TENM4: variants seen among roughly 807,000 people sequenced by gnomAD.
The protein encoded by TENM4 is teneurin-4.
In TENM4, 82 loss-of-function variants were observed where a neutral mutation model predicts 243.3. That is an observed-to-expected ratio of 0.34 (90% CI 0.28 to 0.40). TENM4 has a LOEUF of 0.40. Among genes scored for constraint, TENM4 ranks in the 10% least tolerant of loss-of-function variants. The pLI is 1.00. For synonymous variants in TENM4, 1,412 were observed against 1,456.3 expected, an observed-to-expected ratio of 0.97 and a Z score of 0.69; for missense variants, 3,138 against 3,673.3, an observed-to-expected ratio of 0.85 and a Z score of 3.77.
intron 2 of TENM4, among the ~76,000 whole-genome samples, chr11:79,252,104 G>A (rs1197718321): frequency 2.6e-5 from 4 of 152,226 alleles, no homozygotes; most frequent in Non-Finnish European, 5.9e-5. Context: ...CGGAGTGTTG[G>A]TTTTCTTTTG....
At chr11:79,119,011 C>G (rs923789810) in intron 4 of TENM4, among the ~76,000 whole-genome samples, 3 of 152,092 alleles carry the variant, frequency 2.0e-5, no homozygotes, top group African/African-American at 7.2e-5. Flanking sequence ...CAACATTTTA[C>G]CTAATCCATT....
intron 6 of TENM4, 76 bp from the exon 7 acceptor site, chr11:78,903,599 T>C (rs1360431525): frequency 9.2e-6 from 14 of 1,530,002 alleles, no homozygotes; most frequent in Non-Finnish European, 1.1e-5. Context: ...CACGGAGGTC[T>C]GAGCAAGACC....
At chr11:78,702,504 T>C (rs1196577056) in intron 27 of TENM4, 101 bp from the exon 28 acceptor site, 1 of 1,389,744 alleles carries the variant, frequency 7.2e-7, no homozygotes, top group Non-Finnish European at 9.8e-7. Flanking sequence ...AGTGGCTTCA[T>C]ATACAGTCTT....
intron 4 of TENM4, among the ~76,000 whole-genome samples, chr11:79,121,091 CAG>C (rs1396568024): frequency 6.6e-6 from 1 of 152,152 alleles, no homozygotes; most frequent in Non-Finnish European, 1.5e-5. Context: ...GATGGGGAGA[CAG>C]AGACTTAGAG....
At chr11:79,163,774 C>G (rs1361931285) in intron 3 of TENM4, among the ~76,000 whole-genome samples, 1 of 115,640 alleles carries the variant, frequency 8.6e-6, no homozygotes, top group Non-Finnish European at 1.7e-5. Context: ...TATATACACA[C>G]ACATACATAT....
chr11:78,753,421 G>A lies in TENM4; in HGVS notation c.2756+3384C>T, dbSNP rs1014295164. 2.0e-5 allele frequency among the ~76,000 whole-genome samples: 3 copies of A among 152,216 alleles called. No homozygotes were observed. The South Asian group carries it at 6.2e-4, about 32-fold the overall frequency. ...TATTATACCAAACTCCCTCATATGAGAGGACAGAAAGCAACTACTTAAACT... is the reference window on the plus strand; with the variant it reads ...TATTATACCAAACTCCCTCATATGAAAGGACAGAAAGCAACTACTTAAACT... On this transcript the variant is annotated intron_variant, in intron 19 of 33. Transcript: ENST00000278550.
chr11:79,183,486 C>T (rs1183185761), intron 3 of TENM4, among the ~76,000 whole-genome samples: 3 of 152,122 alleles, frequency 2.0e-5, no homozygotes, highest in African/African-American at 7.2e-5. Flanking sequence ...ACATTATATA[C>T]ATTTGTCAAA....
At chr11:79,037,582 A>G (rs534534616) in intron 6 of TENM4, among the ~76,000 whole-genome samples, 2 of 152,354 alleles carry the variant, frequency 1.3e-5, no homozygotes, top group Admixed American at 6.5e-5. Flanking sequence ...GTTGGTTACT[A>G]GAGCTTAAGT....
intron 28 of TENM4, among the ~76,000 whole-genome samples, chr11:78,698,015 T>C (rs1296470470): frequency 6.6e-6 from 1 of 152,196 alleles, no homozygotes; most frequent in Non-Finnish European, 1.5e-5. Flanking sequence ...TCTCCAAAAC[T>C]GTGAACTCTG....
chr11:78,886,009 A>G (rs752891398), intron 9 of TENM4, among the ~76,000 whole-genome samples: 15 of 152,224 alleles, frequency 9.9e-5, no homozygotes, highest in Non-Finnish European at 2.1e-4. Context: ...TAGGCAGATA[A>G]CAGCAAAAGA....
rs559130991 is a variant in TENM4, at chr11:79,083,757, G to A, written c.-65-13748C>T. On this transcript the variant is annotated intron_variant, in intron 4 of 33. Coordinates refer to ENST00000278550, the MANE Select transcript of TENM4 (RefSeq NM_001098816.3). Reference sequence around the variant, plus strand: ...AAGACCTCTCTTCTCCAGGCTCTGGGAAGCAGTGGAGCACCATGGTTAAAA... The same window carrying A: ...AAGACCTCTCTTCTCCAGGCTCTGGAAAGCAGTGGAGCACCATGGTTAAAA... 1.6e-4 allele frequency among the ~76,000 whole-genome samples: 25 copies of A among 152,276 alleles called. 1 individual carries two copies. The South Asian group carries it at 5.0e-3, about 30-fold the overall frequency.
At chr11:78,927,159 C>G (rs1367258559) in intron 6 of TENM4, among the ~76,000 whole-genome samples, 1 of 152,178 alleles carries the variant, frequency 6.6e-6, no homozygotes, top group East Asian at 1.9e-4. Flanking sequence ...GAATAATTTG[C>G]TTGCATGCAT....
At chr11:79,413,494 G>C (rs775298791) in intron 1 of TENM4, among the ~76,000 whole-genome samples, 5 of 152,192 alleles carry the variant, frequency 3.3e-5, no homozygotes, top group Non-Finnish European at 7.3e-5. Context: ...GCAGACATGA[G>C]AGAGAAGACA....
chr11:79,270,169 C>G (rs1345908941), intron 2 of TENM4, among the ~76,000 whole-genome samples: 1 of 152,126 alleles, frequency 6.6e-6, no homozygotes, highest in Non-Finnish European at 1.5e-5. Flanking sequence ...AGGCTTAGCT[C>G]CCTCTGTTGT....
At chr11:79,345,019 T>G (rs1857303774) in intron 1 of TENM4, among the ~76,000 whole-genome samples, 1 of 152,214 alleles carries the variant, frequency 6.6e-6, no homozygotes, top group Non-Finnish European at 1.5e-5. Context: ...CATATTTGCT[T>G]GAGAATTCCA....
At chr11:79,256,012 C>T (rs555015899) in intron 2 of TENM4, among the ~76,000 whole-genome samples, 9 of 152,144 alleles carry the variant, frequency 5.9e-5, no homozygotes, top group Admixed American at 5.9e-4. Context: ...GAATTCTTTT[C>T]CCTTTGACTT....
At chr11:78,983,807 C>T (rs1857858784) in intron 6 of TENM4, among the ~76,000 whole-genome samples, 1 of 152,122 alleles carries the variant, frequency 6.6e-6, no homozygotes, top group Non-Finnish European at 1.5e-5. Context: ...TGGGTGGGCT[C>T]AGTGGGGTGG....
At chr11:79,414,127 C>T (rs1285134536) in intron 1 of TENM4, among the ~76,000 whole-genome samples, 1 of 150,284 alleles carries the variant, frequency 6.7e-6, no homozygotes, top group Admixed American at 6.7e-5. Context: ...ACTCCACTCA[C>T]ACACACATGA....
chr11:79,422,723 G>A (rs1359170047), intron 1 of TENM4, among the ~76,000 whole-genome samples: 2 of 152,146 alleles, frequency 1.3e-5, no homozygotes, highest in African/African-American at 2.4e-5. Context: ...TTTCCTTACA[G>A]CAACCTTGGC....
Sources: gnomAD v4.1 joint callset for allele counts (sites outside exome capture counted in the v4.1 genomes callset) on GRCh38, gnomAD v4.1.1 for gene constraint, MANE v1.5 for transcripts, NCBI Gene and HGNC (gene_info 2026-07-23, HGNC 2026-07-21) for gene names.